RPL31: variants seen among roughly 807,000 people sequenced by gnomAD.
RPL31 encodes large ribosomal subunit protein eL31.
For missense variants in RPL31, 95 were observed against 164.0 expected (o/e 0.58, Z 2.30); for synonymous variants, 51 against 55.0 (o/e 0.93, Z 0.32).
downstream of RPL31, among the ~76,000 whole-genome samples, chr2:101,009,115 CG>C (rs766272684): frequency 5.3e-5 from 8 of 151,856 alleles, no homozygotes; most frequent in East Asian, 1.2e-3. Context: ...TGGGTATGGC[CG>C]GGTGCGGTGG....
downstream of RPL31, among the ~76,000 whole-genome samples, chr2:101,009,197 TCCTGGCTAACA>T (rs373432354): frequency 0.1 from 15,718 of 151,934 alleles, 939 homozygotes; most frequent in Non-Finnish European, 0.14. Flanking sequence ...ATTGAGACCA[TCCTGGCTAACA>T]CCTGGCTAAC....
rs1678713418 is a variant in RPL31 at position 101,005,904 on chromosome 2, G to T, written c.234-55G>T. On this transcript the variant is annotated intron_variant, in intron 3 of 4. Transcript: ENST00000264258. ...ATGAGATATGTGAATACAGCTAGTGGCTGCTTGGTTGAAAGGAGGCATTGA... is the reference window on the plus strand; with the variant it reads ...ATGAGATATGTGAATACAGCTAGTGTCTGCTTGGTTGAAAGGAGGCATTGA... The T allele has an allele frequency of 4.8e-6, 7 of 1,452,254 alleles. No homozygotes were observed. The Admixed American group carries it at 1.0e-4, about 21-fold the overall frequency. The allele number at this position is 1,452,254 out of a possible 1,614,324, so 90.0% of individuals were successfully genotyped here.
chr2:101,009,737 G>T (rs1013857983), downstream of RPL31, among the ~76,000 whole-genome samples: 1 of 151,736 alleles, frequency 6.6e-6, no homozygotes, highest in Non-Finnish European at 1.5e-5. Context: ...AGAAAAAAAA[G>T]ACTGAGAAAC....
In RPL31 at chr2:101,002,940, A is replaced by G. The variant is rs558161433; in HGVS notation, c.107+132A>G. On this transcript the variant is annotated intron_variant, in intron 2 of 4. Coordinates refer to ENST00000264258, the MANE Select transcript of RPL31 (RefSeq NM_000993.5). ...CTGTTTCATTCATTGGCAATTTAAC[A>G]AATCCTGTGGGCTCTACCCTCCGAA... is the stretch of plus-strand genomic sequence containing the variant. 320 of 682,432 alleles carry G rather than the reference A, an allele frequency of 4.7e-4. No individual in the cohort carries two copies. In the African/African-American group the frequency reaches 5.3e-3, roughly 11 times the overall value. 42.3% of individuals were successfully genotyped at this position (682,432 alleles called of 1,614,324 possible).
chr2:101,005,973 G>A lies in RPL31; in HGVS notation c.248G>A (p.Arg83Gln), dbSNP rs776463464. The A allele has an allele frequency of 3.7e-6, 6 of 1,612,404 alleles. No homozygotes were observed. The highest frequency in any genetic ancestry group is 1.7e-5 in the Admixed American group (1 of 59,900). The change falls in exon 4 of 5, where the codon CGA becomes CAA. Residue 83 changes from arginine to glutamine, a missense_variant. Coordinates refer to ENST00000264258, the MANE Select transcript of RPL31 (RefSeq NM_000993.5). Reference sequence around the variant, plus strand: ...GTTTTTATTAGGAATGTGCCATACCGAATCCGTGTGCGGCTGTCCAGAAAA... The same window carrying A: ...GTTTTTATTAGGAATGTGCCATACCAAATCCGTGTGCGGCTGTCCAGAAAA... ...WAKGIRNVPY[R>Q]IRVRLSRKRN...
intron 2 of RPL31, among the ~76,000 whole-genome samples, chr2:101,003,490 C>G (rs1573833330): frequency 6.6e-6 from 1 of 152,166 alleles, no homozygotes. Flanking sequence ...TTCCCTAATG[C>G]TTTATTTTCC....
rs2105348640 is a variant in RPL31 at position 101,004,180 on chromosome 2, C to T, written c.130C>T (p.Arg44Trp). ...TAGGGGCTTCAAGAAGCGTGCACCT[C>T]GGGCACTCAAAGAGATTCGGAAATT... ...HGVGFKKRAP[R>W]ALKEIRKFAM... The change falls in exon 3 of 5, where the codon CGG (arginine) becomes TGG (tryptophan). Residue 44 changes from arginine (R) to tryptophan (W), a missense_variant. Transcript: ENST00000264258. 3.1e-6 allele frequency: 5 copies of T among 1,613,934 alleles called. No homozygotes were observed. Among genetic ancestry groups the T allele is most frequent in the Admixed American group, 1.7e-5 (1 of 60,008 alleles).
Position 101,015,356 on chromosome 2 carries a change from A to G in RPL31, c.347-3642A>G, listed in dbSNP as rs537224033. ...GCGAGTGAATATGAAGGCCTAGGACATTACTGCACACTGCCATAGACTTTA... is the reference window on the plus strand; with the variant it reads ...GCGAGTGAATATGAAGGCCTAGGACGTTACTGCACACTGCCATAGACTTTA... On this transcript the variant is annotated intron_variant, in intron 4 of 4. Coordinates refer to the RPL31 transcript ENST00000409028. 2.0e-5 allele frequency among the ~76,000 whole-genome samples: 3 copies of G among 152,316 alleles called. No individual in the cohort carries two copies. The South Asian group carries it at 6.2e-4, about 32-fold the overall frequency.
chr2:101,005,887 T>C (rs1056352551), intron 3 of RPL31, 72 bp from the exon 4 acceptor site: 4 of 1,275,422 alleles, frequency 3.1e-6, no homozygotes, highest in African/African-American at 3.0e-5. Flanking sequence ...ATATGAGATA[T>C]GTGAATACAG....
chr2:101,004,512 A>G (rs756728305), intron 3 of RPL31: 4 of 511,214 alleles, frequency 7.8e-6, no homozygotes, highest in Non-Finnish European at 1.4e-5. Context: ...TAGGGTGGGA[A>G]AGAGCATTGC....
At chr2:101,017,067 A>G (rs1452430264) in intron 4 of RPL31, among the ~76,000 whole-genome samples, 16 of 140,482 alleles carry the variant, frequency 1.1e-4, no homozygotes, top group African/African-American at 4.0e-4. Flanking sequence ...CTAAAACTTA[A>G]AAGTATTAAA....
intron 3 of RPL31, chr2:101,005,689 G>A (rs1024038934): frequency 3.4e-5 from 15 of 438,492 alleles, no homozygotes; most frequent in Non-Finnish European, 5.3e-5. Context: ...TGGACCATTT[G>A]GACCCAGATA....
At position 101,006,832 on chromosome 2, in the gene RPL31, A is replaced by G. The variant is rs1678761037; in HGVS notation, c.*451A>G. ...TTCTGCCTACATCCATATTGAGTAT[A>G]GTTGTTGTCTTCTAAAATAATTAAT... On this transcript the variant is annotated 3_prime_UTR_variant, in exon 5 of 5. Transcript: ENST00000264258. 6.5e-6 allele frequency: 1 copy of G among 154,382 alleles called. No individual in the cohort carries two copies. The highest frequency in any genetic ancestry group is 2.4e-5 in the African/African-American group (1 of 41,524). The allele number at this position is 154,382 out of a possible 1,614,324, so 9.6% of individuals were successfully genotyped here.
chr2:101,017,881 CAA>C, intron 4 of RPL31: 1 of 1,550,894 alleles, frequency 6.4e-7, no homozygotes, highest in Non-Finnish European at 8.7e-7. Context: ...ATGATCTCTT[CAA>C]AACAGATTGT....
downstream of RPL31, chr2:101,007,388 A>C (rs1678802526): frequency 1.2e-5 from 2 of 160,632 alleles, no homozygotes; most frequent in African/African-American, 4.8e-5. Flanking sequence ...AAAGCCAAAT[A>C]CAATTGCACA....
At chr2:101,008,271 T>C (rs775605526), downstream of RPL31, 9 of 1,519,090 alleles carry the variant, frequency 5.9e-6, no homozygotes, top group Admixed American at 2.2e-5. Context: ...GGATAAATTC[T>C]CTCTGAAATT....
Position 101,002,817 on chromosome 2 carries a change from C to A in RPL31, c.107+9C>A. 6.2e-7 allele frequency: 1 copy of A among 1,601,112 alleles called. No homozygotes were observed. Among genetic ancestry groups the A allele is most frequent in the Non-Finnish European group, 8.6e-7 (1 of 1,168,204 alleles). On this transcript the variant is annotated intron_variant, in intron 2 of 4. Transcript: ENST00000264258. ...AAGCGCATCCATGGAGTGTGAGTAT[C>A]CCTCTAGCCGCCCTGGGTCTCGAAC...
intron 4 of RPL31, among the ~76,000 whole-genome samples, chr2:101,018,525 A>T (rs1054908065): frequency 3.3e-5 from 5 of 152,244 alleles, no homozygotes; most frequent in African/African-American, 9.6e-5. Flanking sequence ...CTTCACAGAA[A>T]GCTGAACACA....
intron 4 of RPL31, chr2:101,017,744 G>T: frequency 8.6e-7 from 1 of 1,158,864 alleles, no homozygotes; most frequent in Non-Finnish European, 1.2e-6. Flanking sequence ...GCAAGATAGG[G>T]TCAAGTGACA....
Sources: allele counts gnomAD v4.1 joint callset (sites outside exome capture counted in the v4.1 genomes callset), GRCh38; gene constraint gnomAD v4.1.1; transcripts MANE v1.5; gene names NCBI Gene and HGNC (gene_info 2026-07-23, HGNC 2026-07-21).